The following PCNX1 variants were observed in gnomAD, a reference collection of about 807,000 sequenced individuals.
The protein encoded by PCNX1 is pecanex-like protein 1.
Under a neutral mutation model 242.2 loss-of-function variants are expected in PCNX1, and 78 were observed. The ratio of observed to expected loss-of-function variants is 0.32; its 90% confidence interval spans 0.27 to 0.39. The LOEUF (loss-of-function observed/expected upper bound fraction) is 0.39. Ranked by LOEUF, PCNX1 falls within the 10% of genes least tolerant of loss-of-function variation. The pLI, the probability that PCNX1 is intolerant of heterozygous loss-of-function variation, is 1.00. For missense variants in PCNX1, 2,581 were observed against 2,856.5 expected, an observed-to-expected ratio of 0.90 and a Z score of 2.20; for synonymous variants, 1,024 against 1,032.9, an observed-to-expected ratio of 0.99 and a Z score of 0.17.
intron 8 of PCNX1, among the ~76,000 whole-genome samples, chr14:71,007,454 A>AT (rs2059698939): frequency 6.6e-6 from 1 of 152,164 alleles, no homozygotes; most frequent in African/African-American, 2.4e-5. Context: ...TACTGCAACA[A>AT]TTTAAGTTCT....
intron 3 of PCNX1, among the ~76,000 whole-genome samples, chr14:70,964,301 A>T (rs1395659224): frequency 6.6e-6 from 1 of 152,132 alleles, no homozygotes; most frequent in African/African-American, 2.4e-5. Context: ...TCCTGACCTC[A>T]GGTGGTCTGC....
chr14:71,078,407 T>C (rs1168201796), intron 28 of PCNX1, among the ~76,000 whole-genome samples: 1 of 152,182 alleles, frequency 6.6e-6, no homozygotes, highest in Non-Finnish European at 1.5e-5. Context: ...CCTTTCAAGA[T>C]AGTGTAAGAT....
chr14:70,928,410 A>AT (rs1007006523), intron 1 of PCNX1, among the ~76,000 whole-genome samples: 1 of 152,230 alleles, frequency 6.6e-6, no homozygotes, highest in Non-Finnish European at 1.5e-5. Context: ...GAGAAACAGG[A>AT]TAGGTAAAGC....
Position 70,995,775 on chromosome 14 carries a change from G to C in PCNX1, c.2479G>C (p.Ala827Pro), listed in dbSNP as rs750289969. The C allele has an allele frequency of 6.2e-7, 1 of 1,614,060 alleles. No homozygotes were observed. Among genetic ancestry groups the C allele is most frequent in the Non-Finnish European group, 8.5e-7 (1 of 1,179,996 alleles). Reference sequence around the variant, plus strand: ...TGGTCAGCAAGGCCAGCAGTCCACAGCCCAGGTCAAAGTCCAGTCCCGCCC... The same window carrying C: ...TGGTCAGCAAGGCCAGCAGTCCACACCCCAGGTCAAAGTCCAGTCCCGCCC... ...QDGQQGQQST[A>P]QVKVQSRPPS... The change falls in exon 8 of 36, where the codon GCC (alanine) becomes CCC (proline). Residue 827 changes from alanine to proline, a missense_variant. This residue lies in a region of PCNX1 where 1,204 missense variants were observed against 1,216.7 expected (regional missense o/e 0.99). Transcript: ENST00000304743.
rs530792258 is a variant in PCNX1, at chr14:70,972,158, G to A, written c.604+3048G>A. On this transcript the variant is annotated intron_variant, in intron 5 of 35. Coordinates refer to ENST00000304743, the MANE Select transcript of PCNX1 (RefSeq NM_014982.3). ...GATTTGGATATACTATGTGAGAGAA[G>A]TAGTGGTCATAGATGAAGGCTTTTG... 4.6e-5 allele frequency among the ~76,000 whole-genome samples: 7 copies of A among 152,132 alleles called. No homozygotes were observed. In the South Asian group the frequency reaches 1.5e-3, roughly 32 times the overall value.
At chr14:70,951,317 T>C (rs28704981) in intron 2 of PCNX1, among the ~76,000 whole-genome samples, 245 of 152,254 alleles carry the variant, frequency 1.6e-3, no homozygotes, top group African/African-American at 5.6e-3. Flanking sequence ...ATACTTAGCA[T>C]TGTGAGTGAC....
At chr14:70,937,546 A>C (rs2057059673) in intron 1 of PCNX1, among the ~76,000 whole-genome samples, 1 of 152,166 alleles carries the variant, frequency 6.6e-6, no homozygotes, top group African/African-American at 2.4e-5. Flanking sequence ...GCCTTGTAGT[A>C]GAGTTTGAAG....
chr14:71,078,216 C>A (rs180682354), intron 28 of PCNX1, among the ~76,000 whole-genome samples: 6 of 152,310 alleles, frequency 3.9e-5, no homozygotes, highest in Admixed American at 3.9e-4. Flanking sequence ...GCTCTAGTTT[C>A]TCTTTTAAGT....
chr14:71,064,021 C>T (rs2061387916), intron 26 of PCNX1, among the ~76,000 whole-genome samples: 1 of 152,096 alleles, frequency 6.6e-6, no homozygotes, highest in African/African-American at 2.4e-5. Context: ...TACACATCAA[C>T]AGTATGTTCG....
intron 1 of PCNX1, among the ~76,000 whole-genome samples, chr14:70,937,925 G>A (rs1296987498): frequency 6.6e-6 from 1 of 151,904 alleles, no homozygotes; most frequent in Non-Finnish European, 1.5e-5. Context: ...TCATGATTTG[G>A]CTCTCTGTCT....
chr14:71,036,865 A>G (rs983777343), intron 19 of PCNX1, among the ~76,000 whole-genome samples: 1 of 152,154 alleles, frequency 6.6e-6, no homozygotes, highest in Non-Finnish European at 1.5e-5. Context: ...TTGAATCTGT[A>G]AATTACCTTG....
chr14:70,986,986 T>C (rs941495564), intron 6 of PCNX1, among the ~76,000 whole-genome samples: 5 of 152,212 alleles, frequency 3.3e-5, no homozygotes, highest in African/African-American at 1.2e-4. Flanking sequence ...CTAAGAACTG[T>C]TAGCAGGTAT....
At chr14:70,976,683 C>T (rs1475028110) in intron 5 of PCNX1, among the ~76,000 whole-genome samples, 1 of 152,008 alleles carries the variant, frequency 6.6e-6, no homozygotes, top group African/African-American at 2.4e-5. Flanking sequence ...CCTTTGTTTC[C>T]TCTTAATTTT....
chr14:70,960,864 A>ACC (rs1398441052), intron 2 of PCNX1, among the ~76,000 whole-genome samples: 2 of 152,164 alleles, frequency 1.3e-5, no homozygotes, highest in Non-Finnish European at 2.9e-5. Context: ...ATTCTTATAC[A>ACC]CCAATAACAG....
At chr14:71,006,092 CGTGTGTGTGTCTGTGTGTGT>C (rs1308156632) in intron 8 of PCNX1, among the ~76,000 whole-genome samples, 27 of 129,322 alleles carry the variant, frequency 2.1e-4, no homozygotes, top group South Asian at 7.8e-4. Context: ...CCAGCTAGTA[CGTGTGTGTGTCTGTGTGTGT>C]GTGTGTGTGT....
chr14:71,064,459 C>T (rs1221272622), intron 26 of PCNX1, among the ~76,000 whole-genome samples: 1 of 152,078 alleles, frequency 6.6e-6, no homozygotes, highest in Non-Finnish European at 1.5e-5. Flanking sequence ...TTTACATTTC[C>T]TCTTGCCATG....
intron 12 of PCNX1, among the ~76,000 whole-genome samples, chr14:71,022,226 C>T (rs1320642905): frequency 1.3e-5 from 2 of 152,100 alleles, no homozygotes; most frequent in Non-Finnish European, 2.9e-5. Flanking sequence ...CAGTCTTGCA[C>T]TATACCTTTA....
Position 71,055,512 on chromosome 14 carries a change from G to A in PCNX1, c.4586G>A (p.Arg1529Gln). Residue 1529 changes from arginine to glutamine, a missense_variant, in exon 25 of 36, where the codon CGA becomes CAA. Around this residue, in one of 9 missense-constraint regions of PCNX1, gnomAD observed 99 missense variants for 147.3 expected, o/e 0.67. Transcript: ENST00000304743. Reference sequence around the variant, plus strand: ...TGTTTTATTTTCTTTAGCACAAAACGAGTGGATCATTCAAATACCAGATTG... The same window carrying A: ...TGTTTTATTTTCTTTAGCACAAAACAAGTGGATCATTCAAATACCAGATTG... ...KFWERDYNTK[R>Q]VDHSNTRLAS... 6.3e-7 allele frequency: 1 copy of A among 1,599,408 alleles called. No individual in the cohort carries two copies. The highest frequency in any genetic ancestry group is 8.6e-7 in the Non-Finnish European group (1 of 1,167,850).
rs190356103 is a variant in PCNX1, at chr14:70,987,778, T to C, written c.2312-789T>C. ...ATTGTTGTGATGTTCTCATGTTGTA[T>C]GCTTGGCTTTAGTACAAACTAAAAA... On this transcript the variant is annotated intron_variant, in intron 6 of 35. Transcript: ENST00000304743. Among the ~76,000 whole-genome samples the C allele has an allele frequency of 1.2e-3, 188 of 152,348 alleles. 1 individual carries two copies. The highest frequency in any genetic ancestry group is 3.4e-3 in the Middle Eastern group (1 of 294).
Sources: allele counts gnomAD v4.1 joint callset (sites outside exome capture counted in the v4.1 genomes callset), GRCh38; gene constraint gnomAD v4.1.1; regional missense constraint gnomAD v4.1.1; transcripts MANE v1.5; gene names NCBI Gene and HGNC (gene_info 2026-07-23, HGNC 2026-07-21).